GALNT1: variants seen among roughly 807,000 people sequenced by gnomAD.
GALNT1 encodes GalNAc transferase 1.
GALNT1 carries 17 observed loss-of-function variants against 65.7 expected under a neutral mutation model. The observed-to-expected ratio is 0.26, with a 90% CI of 0.18 to 0.39. GALNT1 has a LOEUF of 0.39. Among genes scored for constraint, GALNT1 ranks in the 10% least tolerant of loss-of-function variants. The probability of loss-of-function intolerance (pLI) is 1.00; values close to 1 mark genes in which losing one functional copy is unlikely to be tolerated. For missense variants in GALNT1, 460 were observed against 672.8 expected, an observed-to-expected ratio of 0.68 and a Z score of 3.50; for synonymous variants, 210 against 219.7, an observed-to-expected ratio of 0.96 and a Z score of 0.39.
chr18:35,599,925 A>G (rs1183692277), intron 1 of GALNT1, among the ~76,000 whole-genome samples: 1 of 152,112 alleles, frequency 6.6e-6, no homozygotes, highest in East Asian at 1.9e-4. Context: ...TTTGGTTACT[A>G]TGGCTTTCTA....
At position 35,674,907 on chromosome 18, in the gene GALNT1, C is replaced by T. The variant is rs1030965447; in HGVS notation, c.315-2684C>T. ...CTGAGGCAGGAGAATGGCGTGAACC[C>T]GGGAGGTGGAGCTTGCAGTGAGCTG... On this transcript the variant is annotated intron_variant, in intron 3 of 11. Transcript: ENST00000269195. Among the ~76,000 whole-genome samples, 6 of 137,342 alleles carry T rather than the reference C, an allele frequency of 4.4e-5. No individual in the cohort carries two copies. In the East Asian group the frequency reaches 7.1e-4, roughly 16 times the overall value. 90.1% of individuals were successfully genotyped at this position (137,342 alleles called of 152,430 possible).
At chr18:35,617,386 A>G (rs932477207) in intron 1 of GALNT1, among the ~76,000 whole-genome samples, 5 of 152,220 alleles carry the variant, frequency 3.3e-5, no homozygotes, top group Non-Finnish European at 5.9e-5. Context: ...GTTAAATCCA[A>G]AGTAAGATGT....
chr18:35,583,266 T>C (rs1320376666), intron 1 of GALNT1, among the ~76,000 whole-genome samples: 1 of 152,210 alleles, frequency 6.6e-6, no homozygotes, highest in Admixed American at 6.5e-5. Flanking sequence ...CCGCTGCACA[T>C]CAACTGAATC....
At chr18:35,699,651 G>A (rs1378853187) in intron 9 of GALNT1, among the ~76,000 whole-genome samples, 2 of 152,136 alleles carry the variant, frequency 1.3e-5, no homozygotes, top group Admixed American at 6.5e-5. Context: ...TTATCAGAAG[G>A]TTCTCACTCT....
At chr18:35,654,855 C>G (rs1254446705) in intron 2 of GALNT1, 54 bp downstream of exon 2, 1 of 1,365,990 alleles carries the variant, frequency 7.3e-7, no homozygotes, top group East Asian at 2.7e-5. Context: ...CTGGTTTTTA[C>G]TAACTAATTT....
intron 1 of GALNT1, among the ~76,000 whole-genome samples, chr18:35,638,348 G>A (rs973049990): frequency 1.3e-5 from 2 of 152,130 alleles, no homozygotes; most frequent in African/African-American, 4.8e-5. Context: ...AAGAGTTGTA[G>A]CAGCTGTGGC....
intron 1 of GALNT1, among the ~76,000 whole-genome samples, chr18:35,640,596 AT>A (rs1271867366): frequency 6.6e-6 from 1 of 152,180 alleles, no homozygotes; most frequent in African/African-American, 2.4e-5. Flanking sequence ...TGATTCTAAA[AT>A]TTTTGAGGAA....
At chr18:35,583,320 G>T (rs1008459681) in intron 1 of GALNT1, among the ~76,000 whole-genome samples, 2 of 152,210 alleles carry the variant, frequency 1.3e-5, no homozygotes, top group Non-Finnish European at 2.9e-5. Flanking sequence ...TGTGCACTTT[G>T]AAACCTGAGA....
intron 1 of GALNT1, among the ~76,000 whole-genome samples, chr18:35,605,181 T>C (rs1212333485): frequency 1.3e-5 from 2 of 152,158 alleles, no homozygotes; most frequent in African/African-American, 2.4e-5. Context: ...TCTCTGTAAA[T>C]GGCACTGGCA....
chr18:35,643,302 TA>T (rs2047189092), intron 1 of GALNT1, among the ~76,000 whole-genome samples: 1 of 152,102 alleles, frequency 6.6e-6, no homozygotes, highest in African/African-American at 2.4e-5. Context: ...GAAGAGGGGT[TA>T]GAAATGTCTG....
At chr18:35,647,803 G>A (rs2047250623) in intron 1 of GALNT1, among the ~76,000 whole-genome samples, 1 of 152,092 alleles carries the variant, frequency 6.6e-6, no homozygotes, top group African/African-American at 2.4e-5. Flanking sequence ...GAGAGCTTTG[G>A]TTAGAAATAT....
intron 1 of GALNT1, among the ~76,000 whole-genome samples, chr18:35,612,282 A>C (rs2046727378): frequency 6.6e-6 from 1 of 152,208 alleles, no homozygotes; most frequent in Non-Finnish European, 1.5e-5. Flanking sequence ...GTACATCTCC[A>C]TGAAAGATAG....
chr18:35,599,061 A>G (rs964469506), intron 1 of GALNT1, among the ~76,000 whole-genome samples: 2 of 137,844 alleles, frequency 1.5e-5, no homozygotes, highest in African/African-American at 2.7e-5. Flanking sequence ...TCTTTAGCCC[A>G]TTTTACAATT....
intron 1 of GALNT1, among the ~76,000 whole-genome samples, chr18:35,630,938 A>C (rs1167796198): frequency 6.6e-6 from 1 of 152,228 alleles, no homozygotes; most frequent in Non-Finnish European, 1.5e-5. Flanking sequence ...CTACACAAAT[A>C]AACTAGAAAA....
At chr18:35,662,044 T>G (rs149935007) in intron 2 of GALNT1, among the ~76,000 whole-genome samples, 271 of 152,306 alleles carry the variant, frequency 1.8e-3, no homozygotes, top group Non-Finnish European at 2.6e-3. Flanking sequence ...AATCTCAAAA[T>G]CTGTTGGTTG....
chr18:35,650,111 G>A (rs1458352083), intron 1 of GALNT1, among the ~76,000 whole-genome samples: 1 of 152,162 alleles, frequency 6.6e-6, no homozygotes, highest in Non-Finnish European at 1.5e-5. Context: ...TGATATTCAT[G>A]TGGGCCCTTT....
chr18:35,689,177 C>T lies in GALNT1; in HGVS notation c.865C>T (p.Pro289Ser). 2 of 1,596,978 alleles carry T rather than the reference C, an allele frequency of 1.3e-6. No individual in the cohort carries two copies. Among genetic ancestry groups the T allele is most frequent in the Non-Finnish European group, 1.7e-6 (2 of 1,165,184 alleles). ...TATAGCATTATTGAATTTCAGGACA[C>T]CTACCATGGCAGGAGGCCTTTTTTC... ...KGDRTLPVRT[P>S]TMAGGLFSID... Residue 289 changes from proline (P) to serine (S), a missense_variant, in exon 7 of 12, where the codon CCT becomes TCT. Physicochemically the swap from Pro to Ser is moderately conservative, Grantham distance 74. Coordinates refer to ENST00000269195, the MANE Select transcript of GALNT1 (RefSeq NM_020474.4).
At chr18:35,642,493 G>A (rs1290921304) in intron 1 of GALNT1, among the ~76,000 whole-genome samples, 1 of 152,232 alleles carries the variant, frequency 6.6e-6, no homozygotes, top group Non-Finnish European at 1.5e-5. Flanking sequence ...AGTTGGGGAA[G>A]AGATGGGATT....
intron 10 of GALNT1, 70 bp from the exon 11 acceptor site, chr18:35,703,439 A>T: frequency 7.2e-7 from 1 of 1,380,184 alleles, no homozygotes; most frequent in South Asian, 1.3e-5. Flanking sequence ...TTTCCCTGAC[A>T]GCTAATTGGG....
Sources: gnomAD v4.1 joint callset for allele counts (sites outside exome capture counted in the v4.1 genomes callset) on GRCh38, gnomAD v4.1.1 for gene constraint, MANE v1.5 for transcripts, NCBI Gene and HGNC (gene_info 2026-07-23, HGNC 2026-07-21) for gene names.